Variants in ERBIN observed in about 807,000 individuals in gnomAD.
ERBIN encodes the protein densin-180-like protein.
A neutral mutation model predicts 158.4 loss-of-function variants in ERBIN; 60 were observed. The ratio of observed to expected loss-of-function variants is 0.38; its 90% CI spans 0.31 to 0.47. The LOEUF (loss-of-function observed/expected upper bound fraction) is 0.47. Among genes scored for constraint, ERBIN ranks in the 20% least tolerant of loss-of-function variants. The pLI, the probability that ERBIN is intolerant of heterozygous loss-of-function variation, is 0.99. For missense variants in ERBIN, 1,610 were observed against 1,648.0 expected, an observed-to-expected ratio of 0.98 and a Z score of 0.40; for synonymous variants, 594 against 557.2, an observed-to-expected ratio of 1.07 and a Z score of -0.93.
At chr5:66,009,756 A>C (rs1754008910) in intron 4 of ERBIN, among the ~76,000 whole-genome samples, 1 of 152,192 alleles carries the variant, frequency 6.6e-6, no homozygotes, top group Non-Finnish European at 1.5e-5. Flanking sequence ...CCCATCTTCA[A>C]AAGAAACATC....
At chr5:66,007,564 T>C (rs537292797) in intron 4 of ERBIN, among the ~76,000 whole-genome samples, 1 of 148,554 alleles carries the variant, frequency 6.7e-6, no homozygotes, top group Non-Finnish European at 1.5e-5. Context: ...AAAAAAAGAA[T>C]GAGCCCTGGT....
intron 1 of ERBIN, among the ~76,000 whole-genome samples, chr5:65,946,774 C>A (rs941019485): frequency 6.7e-6 from 1 of 149,722 alleles, no homozygotes; most frequent in African/African-American, 2.5e-5. Flanking sequence ...TCCTAGCCAG[C>A]AATTGGTTGT....
chr5:66,031,859 G>A (rs1756912777), intron 14 of ERBIN, among the ~76,000 whole-genome samples: 1 of 152,002 alleles, frequency 6.6e-6, no homozygotes, highest in South Asian at 2.1e-4. Flanking sequence ...ATAAAAAAGA[G>A]GAATAGGATT....
intron 7 of ERBIN, among the ~76,000 whole-genome samples, chr5:66,020,410 C>T (rs1334479129): frequency 2.6e-5 from 4 of 151,858 alleles, no homozygotes; most frequent in South Asian, 2.1e-4. Flanking sequence ...TTAAATGATA[C>T]TCATTTTCAA....
intron 21 of ERBIN, among the ~76,000 whole-genome samples, chr5:66,061,809 G>C (rs1223841608): frequency 1.3e-5 from 2 of 151,398 alleles, no homozygotes; most frequent in African/African-American, 4.9e-5. Flanking sequence ...ATGAAGCTTA[G>C]TTTGGCTGGA....
intron 1 of ERBIN, among the ~76,000 whole-genome samples, chr5:65,963,522 C>T (rs996480933): frequency 5.9e-5 from 9 of 151,704 alleles, no homozygotes; most frequent in East Asian, 2.0e-4. Flanking sequence ...CGCTTGAACC[C>T]GGGAGGTGGA....
intron 1 of ERBIN, among the ~76,000 whole-genome samples, chr5:65,936,741 T>TA (rs1327097082): frequency 6.6e-6 from 1 of 152,156 alleles, no homozygotes. Context: ...TCCCCAATTA[T>TA]AAAAATAATC....
At chr5:66,052,885 C>T (rs1436274166) in intron 20 of ERBIN, among the ~76,000 whole-genome samples, 3 of 152,114 alleles carry the variant, frequency 2.0e-5, no homozygotes, top group Non-Finnish European at 4.4e-5. Context: ...TTGCTTTGTA[C>T]AATTTTCTTA....
chr5:66,060,263 T>G (rs1580502032), intron 21 of ERBIN, among the ~76,000 whole-genome samples: 1 of 152,212 alleles, frequency 6.6e-6, no homozygotes, highest in East Asian at 1.9e-4. Flanking sequence ...TGGTTTAGTC[T>G]TGGGAGAGTG....
intron 7 of ERBIN, among the ~76,000 whole-genome samples, chr5:66,020,199 G>A (rs1336830487): frequency 6.6e-6 from 1 of 152,040 alleles, no homozygotes; most frequent in Non-Finnish European, 1.5e-5. Flanking sequence ...TATTTAAAAT[G>A]TAAAGGGAAA....
At chr5:66,003,227 A>G (rs1033214024) in intron 4 of ERBIN, among the ~76,000 whole-genome samples, 1 of 152,164 alleles carries the variant, frequency 6.6e-6, no homozygotes, top group Non-Finnish European at 1.5e-5. Flanking sequence ...AACAACTGGG[A>G]CAGTGGGATG....
At chr5:66,043,786 A>G (rs141015602) in intron 16 of ERBIN, among the ~76,000 whole-genome samples, 28 of 152,304 alleles carry the variant, frequency 1.8e-4, no homozygotes, top group East Asian at 5.8e-4. Flanking sequence ...AGACATAAAT[A>G]TACGAATATC....
At chr5:66,050,665 T>C in intron 19 of ERBIN, 118 bp from the exon 20 acceptor site, 1 of 519,564 alleles carries the variant, frequency 1.9e-6, no homozygotes, top group South Asian at 4.2e-5. Flanking sequence ...ATTATCAATA[T>C]AATTTATTAC....
At chr5:65,975,963 C>T (rs918935341) in intron 1 of ERBIN, among the ~76,000 whole-genome samples, 1 of 152,160 alleles carries the variant, frequency 6.6e-6, no homozygotes, top group Non-Finnish European at 1.5e-5. Context: ...GTTAATTTGA[C>T]TGCCTTTTTC....
chr5:66,076,616 T>C (rs1036102956), intron 24 of ERBIN: 8 of 599,756 alleles, frequency 1.3e-5, no homozygotes, highest in African/African-American at 5.7e-5. Context: ...GTTTATGATA[T>C]AATGAAATGA....
intron 1 of ERBIN, among the ~76,000 whole-genome samples, chr5:65,962,636 C>T (rs1748050693): frequency 1.3e-5 from 2 of 151,914 alleles, no homozygotes; most frequent in South Asian, 2.1e-4. Flanking sequence ...TTATTTTCCC[C>T]CTCTTTTAGT....
At chr5:65,960,585 A>G (rs750457026) in intron 1 of ERBIN, among the ~76,000 whole-genome samples, 20 of 152,190 alleles carry the variant, frequency 1.3e-4, no homozygotes, top group Non-Finnish European at 2.8e-4. Flanking sequence ...ATGTGCCGCC[A>G]GAGTTAAGAA....
chr5:66,033,142 G>C (rs1009179309), intron 14 of ERBIN, among the ~76,000 whole-genome samples: 2 of 151,940 alleles, frequency 1.3e-5, no homozygotes, highest in African/African-American at 4.8e-5. Context: ...GCTCCTGAAG[G>C]CTTCATTTTC....
At chr5:65,959,769 T>G (rs965042501) in intron 1 of ERBIN, among the ~76,000 whole-genome samples, 1 of 152,200 alleles carries the variant, frequency 6.6e-6, no homozygotes, top group Non-Finnish European at 1.5e-5. Flanking sequence ...ATAGGTAGTA[T>G]AATCTTCCAA....
Sources: allele counts gnomAD v4.1 joint callset (sites outside exome capture counted in the v4.1 genomes callset), GRCh38; gene constraint gnomAD v4.1.1; transcripts MANE v1.5; gene names NCBI Gene and HGNC (gene_info 2026-07-23, HGNC 2026-07-21).